AFDN: variants seen among roughly 807,000 people sequenced by gnomAD.
AFDN encodes afadin.
In AFDN, 68 loss-of-function variants were observed where a neutral mutation model predicts 216.6. The observed-to-expected ratio is 0.31, with a 90% CI of 0.26 to 0.38. AFDN has a LOEUF of 0.38. Among genes scored for constraint, AFDN ranks in the 10% least tolerant of loss-of-function variants. AFDN has a pLI of 1.00. For missense variants in AFDN, 2,136 were observed against 2,342.0 expected (o/e 0.91, Z 1.82); for synonymous variants, 868 against 853.7 (o/e 1.02, Z -0.29).
At chr6:167,882,262 A>G (rs1480923484) in intron 6 of AFDN, among the ~76,000 whole-genome samples, 2 of 152,290 alleles carry the variant, frequency 1.3e-5, no homozygotes, top group East Asian at 3.9e-4. Context: ...TGTTAATAAG[A>G]TAGGTAGAAA....
At chr6:167,833,194 G>A (rs542998540) in intron 1 of AFDN, among the ~76,000 whole-genome samples, 14 of 152,304 alleles carry the variant, frequency 9.2e-5, no homozygotes, top group African/African-American at 3.4e-4. Flanking sequence ...GAAGCAGGCT[G>A]AAAAGTACAT....
intron 1 of AFDN, among the ~76,000 whole-genome samples, chr6:167,836,096 A>AT: frequency 6.6e-6 from 1 of 152,294 alleles, no homozygotes; most frequent in East Asian, 1.9e-4. Flanking sequence ...ACACATTTAC[A>AT]TTTTTGTGAC....
rs760964511 is a variant in AFDN at position 167,952,192 on chromosome 6, A to AG, written c.4833+11dup. The stretch of plus-strand genomic sequence containing the variant: ...GAGGCTGAACGAAGAGCGAGGGTAA[A>AG]GGGGGGAGTGCTTTGGCTGTGCCCA... On this transcript the variant is annotated splice_donor_region_variant and intron_variant, in intron 30 of 33. Transcript: ENST00000683244. The AG allele has an allele frequency of 2.2e-5, 36 of 1,613,898 alleles. No individual in the cohort carries two copies. Among genetic ancestry groups the AG allele is most frequent in the Non-Finnish European group, 3.0e-5 (35 of 1,179,944 alleles).
At chr6:167,839,448 G>A (rs1780809427) in intron 1 of AFDN, among the ~76,000 whole-genome samples, 1 of 151,958 alleles carries the variant, frequency 6.6e-6, no homozygotes, top group Non-Finnish European at 1.5e-5. Context: ...TGAGGATAAT[G>A]TACTTATTCA....
intron 1 of AFDN, chr6:167,827,737 A>G (rs960561641): frequency 6.6e-6 from 1 of 152,082 alleles, no homozygotes; most frequent in Non-Finnish European, 1.5e-5. Flanking sequence ...GGGGAAAGTC[A>G]GTATCACAAA....
chr6:167,846,154 G>A (rs1781649378), intron 1 of AFDN, among the ~76,000 whole-genome samples: 1 of 151,876 alleles, frequency 6.6e-6, no homozygotes, highest in African/African-American at 2.4e-5. Flanking sequence ...GGATAGCTTG[G>A]ACCCCATTCC....
At chr6:167,949,718 G>C (rs1330849816) in intron 29 of AFDN, among the ~76,000 whole-genome samples, 1 of 152,172 alleles carries the variant, frequency 6.6e-6, no homozygotes, top group African/African-American at 2.4e-5. Flanking sequence ...AGGAGAATCT[G>C]CTTCCCATAT....
At chr6:167,916,543 C>A (rs1281422134) in intron 19 of AFDN, among the ~76,000 whole-genome samples, 2 of 152,024 alleles carry the variant, frequency 1.3e-5, no homozygotes, top group African/African-American at 4.8e-5. Context: ...AAATAATATC[C>A]CAGTGGCTTA....
intron 13 of AFDN, among the ~76,000 whole-genome samples, chr6:167,909,193 C>G (rs1252157242): frequency 6.6e-6 from 1 of 151,974 alleles, no homozygotes; most frequent in East Asian, 1.9e-4. Flanking sequence ...AGGCATTTTT[C>G]TTTTCCTTAA....
At chr6:167,953,774 A>G (rs1796238386) in intron 30 of AFDN, among the ~76,000 whole-genome samples, 1 of 152,220 alleles carries the variant, frequency 6.6e-6, no homozygotes, top group Non-Finnish European at 1.5e-5. Context: ...TGCTCTGGCC[A>G]GTGTCGCTCC....
chr6:167,842,307 C>G (rs1233039070), intron 1 of AFDN, among the ~76,000 whole-genome samples: 3 of 151,902 alleles, frequency 2.0e-5, no homozygotes, highest in Admixed American at 2.0e-4. Context: ...TTCCTTATCT[C>G]CCTTAGTTGA....
chr6:167,902,866 C>T (rs146852004), intron 12 of AFDN, among the ~76,000 whole-genome samples: 69 of 152,292 alleles, frequency 4.5e-4, no homozygotes, highest in Middle Eastern at 3.4e-3. Flanking sequence ...TTCCCAGTGG[C>T]CCCAAATGTG....
upstream of AFDN, chr6:167,826,822 CG>C (rs907539879): frequency 2.1e-5 from 3 of 140,024 alleles, no homozygotes; most frequent in Non-Finnish European, 4.8e-5. Flanking sequence ...CGGCGCCGCG[CG>C]GGGCGGCGGC....
At chr6:167,860,771 C>T (rs982776144) in intron 1 of AFDN, among the ~76,000 whole-genome samples, 23 of 152,148 alleles carry the variant, frequency 1.5e-4, no homozygotes, top group African/African-American at 5.1e-4. Context: ...CTGTGTGGGG[C>T]GTGAGCTGCC....
At chr6:167,853,065 G>C (rs1782494997) in intron 1 of AFDN, among the ~76,000 whole-genome samples, 1 of 152,052 alleles carries the variant, frequency 6.6e-6, no homozygotes, top group South Asian at 2.1e-4. Context: ...AAGTGCTAGA[G>C]ATGTTCATTT....
chr6:167,827,106 C>A lies in AFDN; in HGVS notation c.-27C>A. 2 of 1,208,302 alleles carry A rather than the reference C, an allele frequency of 1.7e-6. No individual in the cohort carries two copies. The highest frequency in any genetic ancestry group is 1.1e-6 in the Non-Finnish European group (1 of 940,896). The allele number at this position is 1,208,302 out of a possible 1,614,324, so 74.8% of individuals were successfully genotyped here. ...GGCCCGTCCTCCGGCCCCGGCCCCG[C>A]GCGGCTGAGGAGGCGCGGCCAGGAC... On this transcript the variant is annotated 5_prime_UTR_variant, in exon 1 of 34. Coordinates refer to ENST00000683244, the MANE Select transcript of AFDN (RefSeq NM_001386888.1).
intron 12 of AFDN, among the ~76,000 whole-genome samples, chr6:167,902,903 G>A (rs909902435): frequency 6.6e-6 from 1 of 152,186 alleles, no homozygotes; most frequent in Non-Finnish European, 1.5e-5. Context: ...TGTGTTGTTT[G>A]TTAGTGATAC....
intron 1 of AFDN, among the ~76,000 whole-genome samples, chr6:167,846,818 G>A (rs9455907): frequency 6.8e-6 from 1 of 147,488 alleles, no homozygotes; most frequent in Non-Finnish European, 1.5e-5. Context: ...TAATCTATTA[G>A]AAAAGTCATA....
intron 32 of AFDN, 146 bp downstream of exon 32, chr6:167,966,191 C>G: frequency 6.5e-7 from 1 of 1,534,392 alleles, no homozygotes; most frequent in Non-Finnish European, 8.7e-7. Context: ...CAGCCAAAGC[C>G]AACAGTACTG....
Sources: gnomAD v4.1 joint callset for allele counts (sites outside exome capture counted in the v4.1 genomes callset) on GRCh38, gnomAD v4.1.1 for gene constraint, MANE v1.5 for transcripts, NCBI Gene and HGNC (gene_info 2026-07-23, HGNC 2026-07-21) for gene names.